The following ZC3H7A variants were observed in gnomAD, a reference collection of about 807,000 sequenced individuals.
ZC3H7A encodes zinc finger CCCH-type containing 7A.
In ZC3H7A, 44 loss-of-function variants were observed where a neutral mutation model predicts 125.5. The observed-to-expected ratio is 0.35, with a 90% CI of 0.28 to 0.45. The LOEUF (loss-of-function observed/expected upper bound fraction) is 0.45. Among genes scored for constraint, ZC3H7A ranks in the 20% least tolerant of loss-of-function variants. ZC3H7A has a pLI of 1.00. For synonymous variants in ZC3H7A, 399 were observed against 391.2 expected (o/e 1.02, Z -0.23); for missense variants, 977 against 1,170.7 (o/e 0.83, Z 2.41).
At chr16:11,764,787 A>G (rs1442363472) in intron 15 of ZC3H7A, among the ~76,000 whole-genome samples, 1 of 152,208 alleles carries the variant, frequency 6.6e-6, no homozygotes, top group Non-Finnish European at 1.5e-5. Context: ...GGGGGTACTT[A>G]TATTTTAAGC....
chr16:11,790,538 G>A (rs1030463608), intron 1 of ZC3H7A, among the ~76,000 whole-genome samples: 2 of 151,998 alleles, frequency 1.3e-5, no homozygotes, highest in Non-Finnish European at 1.5e-5. Flanking sequence ...TGTTGTCGTC[G>A]TCGTTATTAT....
At chr16:11,760,588 G>T (rs1350401642) in intron 19 of ZC3H7A, among the ~76,000 whole-genome samples, 2 of 152,144 alleles carry the variant, frequency 1.3e-5, no homozygotes, top group South Asian at 2.1e-4. Flanking sequence ...TTTACACGGG[G>T]ACTCTACAGT....
chr16:11,766,329 C>T (rs2052856909), intron 13 of ZC3H7A, among the ~76,000 whole-genome samples: 1 of 152,180 alleles, frequency 6.6e-6, no homozygotes, highest in East Asian at 1.9e-4. Flanking sequence ...TTTTGGGAGG[C>T]CGAGGCAGGC....
At chr16:11,791,267 G>A (rs369733298) in intron 1 of ZC3H7A, among the ~76,000 whole-genome samples, 3 of 151,838 alleles carry the variant, frequency 2.0e-5, no homozygotes, top group African/African-American at 7.3e-5. Flanking sequence ...CTTCACACAT[G>A]AGGCTCCCGT....
intron 4 of ZC3H7A, 39 bp from the exon 5 acceptor site, chr16:11,776,948 CA>C: frequency 6.7e-7 from 1 of 1,500,064 alleles, no homozygotes; most frequent in South Asian, 1.4e-5. Flanking sequence ...AGCAATCAAA[CA>C]ATTCATTTCT....
chr16:11,784,786 G>A (rs568594080), intron 1 of ZC3H7A, among the ~76,000 whole-genome samples: 13 of 151,080 alleles, frequency 8.6e-5, no homozygotes, highest in South Asian at 2.1e-4. Flanking sequence ...CCTGGGAGGC[G>A]GAGGTTGCAG....
At chr16:11,781,342 C>T (rs1458764111) in intron 3 of ZC3H7A, 83 bp downstream of exon 3, 14 of 1,369,564 alleles carry the variant, frequency 1.0e-5, no homozygotes, top group Non-Finnish European at 1.4e-5. Flanking sequence ...GCCCACAAGG[C>T]CATCATTTGC....
intron 4 of ZC3H7A, among the ~76,000 whole-genome samples, 193 bp from the exon 5 acceptor site, chr16:11,777,102 G>C (rs1029002444): frequency 2.0e-5 from 3 of 152,054 alleles, no homozygotes; most frequent in Non-Finnish European, 4.4e-5. Context: ...AGAATATCAT[G>C]AATACCCATG....
At chr16:11,753,661 A>G (rs2052588411) in intron 21 of ZC3H7A, 1 of 151,836 alleles carries the variant, frequency 6.6e-6, no homozygotes, top group Non-Finnish European at 1.5e-5. Flanking sequence ...TTATTTGTTT[A>G]TTTTTGAGAC....
At chr16:11,774,939 T>C in intron 8 of ZC3H7A, 41 bp downstream of exon 8, 2 of 1,606,270 alleles carry the variant, frequency 1.2e-6, no homozygotes, top group Non-Finnish European at 1.7e-6. Context: ...GGTACAAAGC[T>C]GGCACTATTC....
chr16:11,759,268 T>C (rs979552010), intron 19 of ZC3H7A: 1 of 152,222 alleles, frequency 6.6e-6, no homozygotes, highest in African/African-American at 2.4e-5. Context: ...ATCAACCTAC[T>C]TGTCTGTATG....
Position 11,776,314 on chromosome 16 carries a change from C to G in ZC3H7A, c.585+6G>C. On this transcript the variant is annotated splice_donor_region_variant and intron_variant, in intron 7 of 22. Coordinates refer to ENST00000355758, the MANE Select transcript of ZC3H7A (RefSeq NM_014153.4). The stretch of plus-strand genomic sequence containing the variant: ...AATATAATTTTGACAGAAAAAATAA[C>G]TTTACCTTGGTAGCCCCATCCCCAG... The G allele has an allele frequency of 6.3e-7, 1 of 1,597,460 alleles. No individual in the cohort carries two copies.
intron 6 of ZC3H7A, 31 bp downstream of exon 6, chr16:11,776,421 A>G (rs980711949): frequency 1.2e-6 from 2 of 1,600,926 alleles, no homozygotes; most frequent in African/African-American, 2.7e-5. Context: ...AAACAAAATG[A>G]AAACACCTTA....
At chr16:11,762,109 C>G (rs914382114) in intron 17 of ZC3H7A, 66 bp from the exon 18 acceptor site, 52 of 1,459,642 alleles carry the variant, frequency 3.6e-5, no homozygotes, top group Non-Finnish European at 4.1e-5. Context: ...TGACAAAATA[C>G]TAAATCAAGA....
intron 21 of ZC3H7A, 70 bp downstream of exon 21, chr16:11,756,167 A>G: frequency 6.4e-7 from 1 of 1,552,826 alleles, no homozygotes; most frequent in African/African-American, 1.4e-5. Flanking sequence ...ATCTCAAAAA[A>G]AAGAAAAGGG....
At chr16:11,764,778 G>T (rs1484722687) in intron 15 of ZC3H7A, among the ~76,000 whole-genome samples, 1 of 152,010 alleles carries the variant, frequency 6.6e-6, no homozygotes, top group Non-Finnish European at 1.5e-5. Context: ...TTAATTGGGG[G>T]GGGTACTTAT....
chr16:11,752,567 A>C (rs2052570482), intron 22 of ZC3H7A, 102 bp downstream of exon 22: 1 of 1,422,364 alleles, frequency 7.0e-7, no homozygotes, highest in Admixed American at 2.4e-5. Context: ...GAGCACAGCA[A>C]CATTAGAACT....
Position 11,761,477 on chromosome 16 carries a change from A to G in ZC3H7A, c.2248T>C (p.Ser750Pro). 1 of 1,614,124 alleles carries G rather than the reference A, an allele frequency of 6.2e-7. No homozygotes were observed. Among genetic ancestry groups the G allele is most frequent in the Non-Finnish European group, 8.5e-7 (1 of 1,180,014 alleles). ...TTCATCCACTTCTTACGTTCAATAG[A>G]CATCACTCTCATCGCACGCCGGTCT... ...TKDRRAMRVM[S>P]IERKKWMNIR... Residue 750 changes from serine to proline, a missense_variant, in exon 19 of 23, where the codon TCT (serine) becomes CCT (proline). By Grantham distance (74) the Ser-to-Pro change is moderately conservative. Around this residue, in one of 3 missense-constraint regions of ZC3H7A, gnomAD observed 436 missense variants for 603.2 expected, o/e 0.72. Transcript: ENST00000355758.
At chr16:11,774,596 G>A (rs1185865977) in intron 8 of ZC3H7A, 77 bp from the exon 9 acceptor site, 4 of 1,396,844 alleles carry the variant, frequency 2.9e-6, no homozygotes, top group Non-Finnish European at 3.8e-6. Context: ...CAATAATAGA[G>A]ATACAAAGAT....
Sources: gnomAD v4.1 joint callset for allele counts (sites outside exome capture counted in the v4.1 genomes callset) on GRCh38, gnomAD v4.1.1 for gene constraint, gnomAD v4.1.1 regional missense constraint, MANE v1.5 for transcripts, NCBI Gene and HGNC (gene_info 2026-07-23, HGNC 2026-07-21) for gene names.